Variants in ALDH18A1 observed in about 807,000 individuals in gnomAD.
The protein encoded by ALDH18A1 is aldehyde dehydrogenase 18 family member A1, also known as delta-1-pyrroline-5-carboxylate synthase.
A neutral mutation model predicts 88.8 loss-of-function variants in ALDH18A1; 44 were observed. The ratio of observed to expected loss-of-function variants is 0.50; its 90% CI spans 0.39 to 0.64. The LOEUF (loss-of-function observed/expected upper bound fraction) is 0.64, where lower values mean the gene tolerates loss of function less well. Ranked by LOEUF, ALDH18A1 falls within the 30% of genes least tolerant of loss-of-function variation. The pLI, the probability that ALDH18A1 is intolerant of heterozygous loss-of-function variation, is 0.00. For missense variants in ALDH18A1, 782 were observed against 1,009.5 expected, an observed-to-expected ratio of 0.77 and a Z score of 3.05; for synonymous variants, 331 against 372.1, an observed-to-expected ratio of 0.89 and a Z score of 1.27.
chr10:95,633,080 G>C (rs753627500), intron 6 of ALDH18A1, 31 bp from the exon 7 acceptor site: 4 of 1,571,938 alleles, frequency 2.5e-6, no homozygotes, highest in Non-Finnish European at 2.6e-6. Flanking sequence ...TCATAAGTGA[G>C]TGAGCTAAGC....
In ALDH18A1 at chr10:95,606,900, T is replaced by TA; in HGVS notation, c.2249_2250insT (p.Pro751ThrfsTer5). ...TAAGCAGTCCCTCAAGTCCTACTGG[T>TA]CCCCGGGCGTGGATTCTCGATGTAC... is the stretch of plus-strand genomic sequence containing the variant. On this transcript the variant is annotated frameshift_variant, in exon 18 of 18. Coordinates refer to ENST00000371224, the MANE Select transcript of ALDH18A1 (RefSeq NM_002860.4). LOFTEE classifies it high-confidence loss of function. 1 of 1,614,126 alleles carries TA rather than the reference T, an allele frequency of 6.2e-7. No individual in the cohort carries two copies. Among genetic ancestry groups the TA allele is most frequent in the Non-Finnish European group, 8.5e-7 (1 of 1,180,012 alleles).
At chr10:95,614,304 T>G (rs2097840871) in intron 13 of ALDH18A1, 143 bp from the exon 14 acceptor site, 1 of 911,050 alleles carries the variant, frequency 1.1e-6, no homozygotes, top group African/African-American at 1.7e-5. Context: ...AAAACAAAAT[T>G]AAGTTCCCGA....
intron 2 of ALDH18A1, among the ~76,000 whole-genome samples, chr10:95,649,086 T>C (rs756302027): frequency 6.6e-6 from 1 of 152,328 alleles, no homozygotes; most frequent in Non-Finnish European, 1.5e-5. Context: ...TGATAAGATT[T>C]AGGTGATATC....
At chr10:95,619,451 C>T (rs2097848787) in intron 12 of ALDH18A1, among the ~76,000 whole-genome samples, 1 of 152,056 alleles carries the variant, frequency 6.6e-6, no homozygotes, top group Admixed American at 6.6e-5. Flanking sequence ...AAAGTTCATA[C>T]AGAACCAAAA....
chr10:95,628,221 A>T, intron 8 of ALDH18A1, 147 bp downstream of exon 8: 1 of 1,177,606 alleles, frequency 8.5e-7, no homozygotes, highest in Non-Finnish European at 1.2e-6. Flanking sequence ...AACACTCATT[A>T]AATCTGTATT....
At chr10:95,632,770 G>T (rs1463359811) in intron 7 of ALDH18A1, among the ~76,000 whole-genome samples, 189 bp downstream of exon 7, 2 of 152,132 alleles carry the variant, frequency 1.3e-5, no homozygotes, top group Non-Finnish European at 2.9e-5. Flanking sequence ...AACATTTCAG[G>T]ATTCAAATGA....
intron 7 of ALDH18A1, among the ~76,000 whole-genome samples, chr10:95,631,714 G>C (rs998204126): frequency 1.7e-4 from 22 of 131,460 alleles, no homozygotes; most frequent in Non-Finnish European, 3.1e-4. Flanking sequence ...CTACACTCCT[G>C]CCTGGGTGAC....
intron 12 of ALDH18A1, among the ~76,000 whole-genome samples, chr10:95,618,284 C>G (rs2097847088): frequency 6.6e-6 from 1 of 152,128 alleles, no homozygotes; most frequent in Non-Finnish European, 1.5e-5. Context: ...CTTTCTCAAC[C>G]AGAGGCTGTG....
At chr10:95,621,441 T>C (rs1358131354) in intron 11 of ALDH18A1, among the ~76,000 whole-genome samples, 190 bp from the exon 12 acceptor site, 1 of 151,162 alleles carries the variant, frequency 6.6e-6, no homozygotes, top group Non-Finnish European at 1.5e-5. Flanking sequence ...CACCTCAGCC[T>C]CCTTAGTAGC....
At chr10:95,620,788 CG>C in intron 12 of ALDH18A1, among the ~76,000 whole-genome samples, 1 of 29,354 alleles carries the variant, frequency 3.4e-5, no homozygotes, top group East Asian at 7.0e-4. Context: ...TGGGGCCTGT[CG>C]GGGGGTGGGG....
At chr10:95,633,339 G>T in intron 6 of ALDH18A1, 152 bp downstream of exon 6, 1 of 990,096 alleles carries the variant, frequency 1.0e-6, no homozygotes, top group Non-Finnish European at 1.5e-6. Context: ...GCAACCACGA[G>T]TTCAGAAGAG....
chr10:95,647,681 C>T (rs1307283880), intron 2 of ALDH18A1, among the ~76,000 whole-genome samples: 1 of 152,262 alleles, frequency 6.6e-6, no homozygotes, highest in African/African-American at 2.4e-5. Context: ...AGAAATATTG[C>T]ACAGGAAGAC....
Position 95,626,785 on chromosome 10 carries a change from A to T in ALDH18A1, c.1079-9T>A, listed in dbSNP as rs1253695459. The T allele has an allele frequency of 6.2e-7, 1 of 1,613,866 alleles. No individual in the cohort carries two copies. Among genetic ancestry groups the T allele is most frequent in the Non-Finnish European group, 8.5e-7 (1 of 1,179,800 alleles). The stretch of plus-strand genomic sequence containing the variant: ...CTGCTCAACAGTAGGGCCTGCAAGA[A>T]TATGTGCAAATATCAGGTCATGGTC... On this transcript the variant is annotated splice_polypyrimidine_tract_variant and intron_variant, in intron 9 of 17. Coordinates refer to ENST00000371224, the MANE Select transcript of ALDH18A1 (RefSeq NM_002860.4).
intron 2 of ALDH18A1, among the ~76,000 whole-genome samples, chr10:95,649,966 A>C (rs1246598011): frequency 1.3e-5 from 2 of 152,050 alleles, no homozygotes; most frequent in African/African-American, 4.8e-5. Context: ...AGGCTGACAT[A>C]GGAGGATCAC....
chr10:95,615,639 G>A (rs1019926925), intron 13 of ALDH18A1, among the ~76,000 whole-genome samples: 3 of 152,110 alleles, frequency 2.0e-5, no homozygotes, highest in Non-Finnish European at 2.9e-5. Flanking sequence ...TAAAATCTGC[G>A]CTCTTTCCAA....
intron 2 of ALDH18A1, among the ~76,000 whole-genome samples, chr10:95,650,480 T>C (rs2097908846): frequency 6.6e-6 from 1 of 152,178 alleles, no homozygotes. Context: ...AACAGCCTGG[T>C]GCCAGTCTCA....
intron 2 of ALDH18A1, among the ~76,000 whole-genome samples, chr10:95,651,642 G>A (rs1589577985): frequency 6.6e-6 from 1 of 152,138 alleles, no homozygotes. Context: ...CAAGAAGAGA[G>A]AGTGAGGGGG....
In ALDH18A1 at chr10:95,613,438, A is replaced by ACG. The variant is rs200424062; in HGVS notation, c.1923+303_1923+304insCG. 0.42 allele frequency among the ~76,000 whole-genome samples: 63,813 copies of ACG among 152,000 alleles called. 15,276 individuals are homozygous for ACG. Among genetic ancestry groups the ACG allele is most frequent in the Non-Finnish European group, 0.54 (36,477 of 67,908 alleles). On this transcript the variant is annotated intron_variant, in intron 15 of 17. Coordinates refer to ENST00000371224, the MANE Select transcript of ALDH18A1 (RefSeq NM_002860.4). ...TAATATATGCTTGGGAACACCTTGCATATATAAGGTTGCCAGAAACAGTTC... is the reference window on the plus strand; with the variant it reads ...TAATATATGCTTGGGAACACCTTGCACGTATATAAGGTTGCCAGAAACAGTTC...
At position 95,628,401 on chromosome 10, in the gene ALDH18A1, C is replaced by A; in HGVS notation, c.900G>T (p.Lys300Asn). The A allele has an allele frequency of 6.2e-7, 1 of 1,614,156 alleles. No homozygotes were observed. The highest frequency in any genetic ancestry group is 8.5e-7 in the Non-Finnish European group (1 of 1,179,998). Residue 300 changes from lysine (K) to asparagine (N), a missense_variant, in exon 8 of 18, where the codon AAG becomes AAT. By Grantham distance (94) the Lys-to-Asn change is moderately conservative (BLOSUM62 0). Transcript: ENST00000371224. The stretch of plus-strand genomic sequence containing the variant: ...CCATGCCACCCATTCCCACTCTAGA[C>A]TTGGTTCCAAATGTCACAGACTGCT... ...GDQQSVTFGT[K>N]SRVGMGGMEA...
Sources: gnomAD v4.1 joint callset for allele counts (sites outside exome capture counted in the v4.1 genomes callset) on GRCh38, gnomAD v4.1.1 for gene constraint, MANE v1.5 for transcripts, NCBI Gene and HGNC (gene_info 2026-07-23, HGNC 2026-07-21) for gene names.